LRP5: variants seen among roughly 807,000 people sequenced by gnomAD.
LRP5 encodes LDL receptor related protein 5.
Under a neutral mutation model 154.1 loss-of-function variants are expected in LRP5, and 62 were observed. That is an observed-to-expected ratio of 0.40 (90% CI 0.33 to 0.50). The LOEUF (loss-of-function observed/expected upper bound fraction) is 0.50, where lower values mean the gene tolerates loss of function less well. Ranked by LOEUF, LRP5 falls within the 20% of genes least tolerant of loss-of-function variation. The pLI, the probability that LRP5 is intolerant of heterozygous loss-of-function variation, is 0.55. For synonymous variants in LRP5, 966 were observed against 1,011.5 expected (o/e 0.96, Z 0.85); for missense variants, 1,915 against 2,336.7 (o/e 0.82, Z 3.72).
chr11:68,330,779 G>A (rs775071076), intron 1 of LRP5, among the ~76,000 whole-genome samples: 3 of 152,240 alleles, frequency 2.0e-5, no homozygotes, highest in Non-Finnish European at 4.4e-5. Context: ...GAGCCTGGGG[G>A]TGTAGCCCAG....
chr11:68,357,660 T>C lies in LRP5; in HGVS notation c.499T>C (p.Trp167Arg). 6.2e-7 allele frequency: 1 copy of C among 1,614,004 alleles called. No individual in the cohort carries two copies. Among genetic ancestry groups the C allele is most frequent in the Non-Finnish European group, 8.5e-7 (1 of 1,179,956 alleles). Residue 167 changes from tryptophan to arginine, a missense_variant, in exon 3 of 23, where the codon TGG becomes CGG. Physicochemically the swap from Trp to Arg is moderately radical, Grantham distance 101. This residue lies in a region of LRP5 where 773 missense variants were observed against 1,100.9 expected (regional missense o/e 0.70). Transcript: ENST00000294304. ...CTGCCCCCGTCACAGGTACATGTAC[T>C]GGACAGACTGGGGTGAGACGCCCCG... ...ALDPAHGYMY[W>R]TDWGETPRIE...
At chr11:68,319,578 A>G (rs1463703169) in intron 1 of LRP5, among the ~76,000 whole-genome samples, 1 of 151,472 alleles carries the variant, frequency 6.6e-6, no homozygotes, top group African/African-American at 2.4e-5. Flanking sequence ...CTGGCCTCCA[A>G]CTCCTGGGCT....
rs141446007 is a variant in LRP5 at position 68,425,174 on chromosome 11, C to G, written c.3309C>G (p.Arg1103=). 6.2e-7 allele frequency: 1 copy of G among 1,613,732 alleles called. No individual in the cohort carries two copies. The highest frequency in any genetic ancestry group is 1.3e-5 in the African/African-American group (1 of 75,038). ...IERAALDGTE[R]EVLFTTGLIR... ...GCGCAGCCCTGGACGGCACCGAGCG[C>G]GAGGTCCTCTTCACCACCGGCCTCA... Residue 1103 remains arginine (R), a synonymous_variant, in exon 15 of 23, where the codon CGC becomes CGG. Coordinates refer to ENST00000294304, the MANE Select transcript of LRP5 (RefSeq NM_002335.4).
chr11:68,392,494 A>ACT (rs1301353652), intron 7 of LRP5, among the ~76,000 whole-genome samples: 1 of 151,998 alleles, frequency 6.6e-6, no homozygotes, highest in East Asian at 1.9e-4. Flanking sequence ...ACAGAGCAAG[A>ACT]CTCTGTCTTG....
intron 3 of LRP5, among the ~76,000 whole-genome samples, chr11:68,360,421 G>GA (rs1452161741): frequency 6.4e-3 from 1 of 156 alleles, no homozygotes; most frequent in African/African-American, 0.036. Flanking sequence ...TGTAGCTCCA[G>GA]GTCTGGTCTG....
In LRP5 at chr11:68,421,260, C is replaced by CA. The variant is rs929751325; in HGVS notation, c.3028-2218dup. Among the ~76,000 whole-genome samples, 748 of 142,596 alleles carry CA rather than the reference C, an allele frequency of 5.2e-3. 4 individuals carry two copies. The highest frequency in any genetic ancestry group is 0.016 in the African/African-American group (637 of 39,094). 93.5% of individuals were successfully genotyped at this position (142,596 alleles called of 152,430 possible). On this transcript the variant is annotated intron_variant, in intron 13 of 22. Transcript: ENST00000294304. ...CTCTGTCTCACGCAAGACTCCGTCT[C>CA]AAAAAAAAAAAGAGTTCAGGGTTTA...
intron 21 of LRP5, chr11:68,445,635 C>T: frequency 7.6e-7 from 1 of 1,318,864 alleles, no homozygotes; most frequent in Non-Finnish European, 9.9e-7. Context: ...GCCCTACACC[C>T]TTTGGGAAGC....
chr11:68,356,143 C>CTTT (rs35481601), intron 2 of LRP5, among the ~76,000 whole-genome samples: 2 of 133,274 alleles, frequency 1.5e-5, no homozygotes, highest in Non-Finnish European at 1.6e-5. Flanking sequence ...CGCACCCAGC[C>CTTT]TTTTTTTTTT....
chr11:68,300,324 C>T, the LRP5 span, among the ~76,000 whole-genome samples: 1 of 149,278 alleles, frequency 6.7e-6, no homozygotes, highest in African/African-American at 2.4e-5. Context: ...AGGGGATTAG[C>T]CTGGGTTCAG....
At chr11:68,371,343 G>A (rs1488564177) in intron 5 of LRP5, among the ~76,000 whole-genome samples, 1 of 152,196 alleles carries the variant, frequency 6.6e-6, no homozygotes, top group African/African-American at 2.4e-5. Context: ...CTGGTTGGAG[G>A]ACAGGCACGG....
chr11:68,429,852 C>A, intron 17 of LRP5, 152 bp downstream of exon 17: 1 of 988,646 alleles, frequency 1.0e-6, no homozygotes, highest in Non-Finnish European at 1.6e-6. Context: ...CCTTTCTTTT[C>A]TACTATGTGC....
At chr11:68,338,614 C>T (rs1019476461) in intron 1 of LRP5, among the ~76,000 whole-genome samples, 1 of 152,138 alleles carries the variant, frequency 6.6e-6, no homozygotes, top group Non-Finnish European at 1.5e-5. Context: ...TCACATTCTC[C>T]TAATAGTGCC....
At chr11:68,381,700 T>C (rs1310532811) in intron 5 of LRP5, among the ~76,000 whole-genome samples, 1 of 152,184 alleles carries the variant, frequency 6.6e-6, no homozygotes, top group East Asian at 1.9e-4. Context: ...TTTCCAAACA[T>C]TTTACTTCCT....
chr11:68,368,847 CTT>C (rs1158183018), intron 5 of LRP5, among the ~76,000 whole-genome samples: 133 of 132,120 alleles, frequency 1.0e-3, no homozygotes, highest in African/African-American at 2.8e-3. Context: ...TGAAGGATAT[CTT>C]TTTTTTTTTT....
intron 5 of LRP5, among the ~76,000 whole-genome samples, chr11:68,380,498 T>C (rs1433406816): frequency 6.6e-6 from 1 of 152,210 alleles, no homozygotes; most frequent in Non-Finnish European, 1.5e-5. Flanking sequence ...GAAGGAAGGA[T>C]AGGACCCGTC....
intron 14 of LRP5, 28 bp from the exon 15 acceptor site, chr11:68,425,074 C>T (rs532028873): frequency 1.8e-5 from 29 of 1,608,746 alleles, no homozygotes; most frequent in African/African-American, 9.3e-5. Flanking sequence ...ATCCCCACAC[C>T]CGTCCTTCAC....
At chr11:68,409,701 T>A (rs1012293502) in intron 9 of LRP5, among the ~76,000 whole-genome samples, 1 of 136,002 alleles carries the variant, frequency 7.4e-6, no homozygotes, top group African/African-American at 2.8e-5. Flanking sequence ...ACAAAAAAAT[T>A]AGCCAGGCGT....
chr11:68,319,723 A>T (rs2098595653), intron 1 of LRP5, among the ~76,000 whole-genome samples: 1 of 152,190 alleles, frequency 6.6e-6, no homozygotes, highest in Non-Finnish European at 1.5e-5. Flanking sequence ...ACACAGGTGC[A>T]CTTGACAGCA....
chr11:68,396,650 C>T (rs190619029), intron 7 of LRP5, among the ~76,000 whole-genome samples: 6 of 152,142 alleles, frequency 3.9e-5, no homozygotes, highest in African/African-American at 9.7e-5. Flanking sequence ...TCTGGGAGGC[C>T]CCTCCTGCTG....
Sources: gnomAD v4.1 joint callset for allele counts (sites outside exome capture counted in the v4.1 genomes callset) on GRCh38, gnomAD v4.1.1 for gene constraint, gnomAD v4.1.1 regional missense constraint, MANE v1.5 for transcripts, NCBI Gene and HGNC (gene_info 2026-07-23, HGNC 2026-07-21) for gene names.